The following UBE2D3 variants were observed in gnomAD, a reference collection of about 807,000 sequenced individuals.
UBE2D3 encodes the protein ubiquitin conjugating enzyme E2 D3, also known as ubiquitin-conjugating enzyme E2 D3.
Under a neutral mutation model 22.8 loss-of-function variants are expected in UBE2D3, and 2 were observed. The ratio of observed to expected loss-of-function variants is 0.09; its 90% CI spans 0.04 to 0.28. The LOEUF is 0.28. Ranked by LOEUF, UBE2D3 falls within the 10% of genes least tolerant of loss-of-function variation. The probability of loss-of-function intolerance (pLI) is 1.00; values close to 1 mark genes in which losing one functional copy is unlikely to be tolerated. For synonymous variants in UBE2D3, 56 were observed against 60.4 expected, an observed-to-expected ratio of 0.93 and a Z score of 0.34; for missense variants, 27 against 182.5, an observed-to-expected ratio of 0.15 and a Z score of 4.91.
At chr4:102,802,402 T>C in intron 5 of UBE2D3, 159 bp downstream of exon 5, 1 of 470,102 alleles carries the variant, frequency 2.1e-6, no homozygotes, top group Non-Finnish European at 3.7e-6. Flanking sequence ...CAAACTGAGG[T>C]CTAGCTCTTT....
At chr4:102,846,428 G>T (rs1409153955) in intron 1 of UBE2D3, among the ~76,000 whole-genome samples, 1 of 152,150 alleles carries the variant, frequency 6.6e-6, no homozygotes, top group Non-Finnish European at 1.5e-5. Context: ...ATTAACTCTT[G>T]ATTCTTAGGT....
chr4:102,825,822 G>A (rs1730373821), intron 2 of UBE2D3: 1 of 454,764 alleles, frequency 2.2e-6, no homozygotes, highest in Non-Finnish European at 4.4e-6. Flanking sequence ...AGTTCCCGGT[G>A]TCCCTCGGAT....
intron 7 of UBE2D3, 69 bp from the exon 8 acceptor site, chr4:102,797,529 G>A: frequency 1.5e-6 from 2 of 1,306,454 alleles, no homozygotes; most frequent in Non-Finnish European, 2.2e-6. Flanking sequence ...GGAAGGGAAA[G>A]ATTTCCATTT....
intron 4 of UBE2D3, among the ~76,000 whole-genome samples, chr4:102,807,291 G>C (rs1180195086): frequency 6.6e-6 from 1 of 152,164 alleles, no homozygotes; most frequent in African/African-American, 2.4e-5. Context: ...TTGTCACAAA[G>C]AAGTATTGAG....
At chr4:102,847,821 AT>A (rs980618650) in intron 1 of UBE2D3, among the ~76,000 whole-genome samples, 2 of 151,396 alleles carry the variant, frequency 1.3e-5, no homozygotes, top group African/African-American at 4.9e-5. Flanking sequence ...TTAAAAAAAA[AT>A]TTTTTTAGAG....
At chr4:102,818,747 T>C (rs989944192) in intron 2 of UBE2D3, among the ~76,000 whole-genome samples, 9 of 148,930 alleles carry the variant, frequency 6.0e-5, no homozygotes, top group Admixed American at 1.3e-4. Context: ...ATGGGTTTGG[T>C]CACTATTTTT....
At chr4:102,802,502 C>G in intron 5 of UBE2D3, 59 bp downstream of exon 5, 1 of 1,398,922 alleles carries the variant, frequency 7.1e-7, no homozygotes, top group Non-Finnish European at 9.9e-7. Flanking sequence ...CAAGAATGCT[C>G]TATTCCTTTG....
chr4:102,860,831 G>GT (rs1732861548), intron 1 of UBE2D3, among the ~76,000 whole-genome samples: 1 of 151,894 alleles, frequency 6.6e-6, no homozygotes, highest in Admixed American at 6.6e-5. Flanking sequence ...TGGCTAGTGG[G>GT]TGGGTGCATG....
chr4:102,807,793 A>G (rs970180339), intron 4 of UBE2D3, among the ~76,000 whole-genome samples: 6 of 152,048 alleles, frequency 3.9e-5, no homozygotes, highest in Non-Finnish European at 7.4e-5. Flanking sequence ...ACTACCATAC[A>G]CTCATCATTC....
chr4:102,822,539 A>G (rs1487310317), intron 2 of UBE2D3, among the ~76,000 whole-genome samples: 1 of 152,254 alleles, frequency 6.6e-6, no homozygotes, highest in African/African-American at 2.4e-5. Flanking sequence ...AATTAGCTAT[A>G]ACCTAAGAGT....
At chr4:102,808,588 A>G (rs953946870) in intron 4 of UBE2D3, among the ~76,000 whole-genome samples, 2 of 152,156 alleles carry the variant, frequency 1.3e-5, no homozygotes, top group Non-Finnish European at 2.9e-5. Flanking sequence ...TCCCTGCTTC[A>G]ATTTCCCATT....
upstream of UBE2D3, chr4:102,828,279 C>G: frequency 1.0e-6 from 1 of 985,228 alleles, no homozygotes; most frequent in Non-Finnish European, 1.2e-6. Flanking sequence ...TACCTTTAGT[C>G]TAGCTCGGGC....
chr4:102,813,481 G>A (rs1192980797), intron 2 of UBE2D3, among the ~76,000 whole-genome samples: 4 of 152,204 alleles, frequency 2.6e-5, no homozygotes, highest in East Asian at 1.9e-4. Flanking sequence ...TTGGCATTAA[G>A]TAAAATGGTC....
At chr4:102,822,129 G>A (rs576302836) in intron 2 of UBE2D3, among the ~76,000 whole-genome samples, 3 of 152,334 alleles carry the variant, frequency 2.0e-5, no homozygotes, top group Admixed American at 2.0e-4. Context: ...TCATCCCAGT[G>A]ATGGAGCATT....
intron 1 of UBE2D3, among the ~76,000 whole-genome samples, chr4:102,859,203 T>G (rs901470111): frequency 1.3e-5 from 2 of 151,980 alleles, no homozygotes; most frequent in Non-Finnish European, 2.9e-5. Flanking sequence ...GGGAGGCTTT[T>G]CTTTTCTTTC....
Position 102,802,822 on chromosome 4 carries a change from T to C in UBE2D3, c.121-184A>G, listed in dbSNP as rs1393808048. On this transcript the variant is annotated intron_variant, in intron 4 of 7. Transcript: ENST00000453744. ...AAAAAACTTAAAACTTATACAGTAA[T>C]AAACCCTAATTTATCTAGTCATTTT... 7 of 403,446 alleles carry C rather than the reference T, an allele frequency of 1.7e-5. No individual in the cohort carries two copies. In the East Asian group the frequency reaches 2.2e-4, roughly 13 times the overall value. 25.0% of individuals were successfully genotyped at this position (403,446 alleles called of 1,614,324 possible).
chr4:102,810,893 C>T (rs1007280047), intron 2 of UBE2D3: 2 of 152,000 alleles, frequency 1.3e-5, no homozygotes, highest in Non-Finnish European at 2.9e-5. Context: ...AATGTTAATA[C>T]ATTACTGCCT....
At chr4:102,842,980 C>T (rs1731844701) in intron 1 of UBE2D3, among the ~76,000 whole-genome samples, 1 of 145,510 alleles carries the variant, frequency 6.9e-6, no homozygotes, top group South Asian at 2.2e-4. Context: ...AGTGGTGGTG[C>T]ATGCTTGTAA....
intron 2 of UBE2D3, among the ~76,000 whole-genome samples, chr4:102,818,900 G>A (rs1729145620): frequency 6.6e-6 from 1 of 152,142 alleles, no homozygotes; most frequent in Admixed American, 6.5e-5. Flanking sequence ...TATGCTTTCT[G>A]CTTCTCTATT....
Sources: allele counts gnomAD v4.1 joint callset (sites outside exome capture counted in the v4.1 genomes callset), GRCh38; gene constraint gnomAD v4.1.1; transcripts MANE v1.5; gene names NCBI Gene and HGNC (gene_info 2026-07-23, HGNC 2026-07-21).